Variants in MED12L observed in about 807,000 individuals in gnomAD.
The protein encoded by MED12L is mediator complex subunit 12L.
In MED12L, 60 loss-of-function variants were observed where a neutral mutation model predicts 281.3. The observed-to-expected ratio is 0.21, with a 90% CI of 0.17 to 0.26. The LOEUF (loss-of-function observed/expected upper bound fraction) is 0.26. Ranked by LOEUF, MED12L falls within the 10% of genes least tolerant of loss-of-function variation. MED12L has a pLI of 1.00. For synonymous variants in MED12L, 974 were observed against 987.2 expected (o/e 0.99, Z 0.25); for missense variants, 2,146 against 2,680.9 (o/e 0.80, Z 4.41).
intron 43 of MED12L, chr3:151,425,673 A>G (rs1290545365): frequency 4.4e-6 from 2 of 456,638 alleles, no homozygotes; most frequent in South Asian, 1.5e-5. Context: ...TAAGCTGGGT[A>G]TTCGGTCTTG....
chr3:151,391,512 T>C (rs1714225934), intron 38 of MED12L, among the ~76,000 whole-genome samples: 1 of 152,168 alleles, frequency 6.6e-6, no homozygotes, highest in Non-Finnish European at 1.5e-5. Context: ...TCTTTTGGCT[T>C]CCTTGGGCCA....
chr3:151,152,071 A>C (rs547293840), intron 5 of MED12L, among the ~76,000 whole-genome samples: 1 of 132,256 alleles, frequency 7.6e-6, no homozygotes, highest in East Asian at 2.4e-4. Flanking sequence ...AGAATTGTGG[A>C]TCAGTTGAAG....
intron 5 of MED12L, among the ~76,000 whole-genome samples, chr3:151,141,166 G>GTTTTTTTTTTTTTTTTTTT (rs750239134): frequency 1.0e-5 from 1 of 98,122 alleles, no homozygotes; most frequent in African/African-American, 5.3e-5. Flanking sequence ...CGTGCCTGGC[G>GTTTTTTTTTTTTTTTTTTT]TTTTTTTTTT....
chr3:151,360,404 T>G, intron 20 of MED12L, 70 bp from the exon 21 acceptor site: 1 of 1,430,118 alleles, frequency 7.0e-7, no homozygotes, highest in Non-Finnish European at 9.6e-7. Flanking sequence ...ATTTTCATTC[T>G]AAAAGAGTCA....
intron 42 of MED12L, 144 bp downstream of exon 42, chr3:151,413,439 T>C: frequency 1.1e-6 from 1 of 946,332 alleles, no homozygotes; most frequent in East Asian, 2.6e-5. Context: ...GCTACATTGG[T>C]ACAATTTAGT....
chr3:151,297,378 T>C (rs891474997), intron 16 of MED12L, among the ~76,000 whole-genome samples: 1 of 152,172 alleles, frequency 6.6e-6, no homozygotes, highest in Non-Finnish European at 1.5e-5. Flanking sequence ...CCCAATTAAA[T>C]GATTAGCAGT....
intron 16 of MED12L, chr3:151,269,538 A>C (rs1740491164): frequency 3.3e-6 from 1 of 303,952 alleles, no homozygotes; most frequent in Non-Finnish European, 6.4e-6. Context: ...AGAGGTCAAA[A>C]TTGATTGCCC....
chr3:151,294,577 G>T (rs149315251), intron 16 of MED12L: 3 of 1,614,132 alleles, frequency 1.9e-6, no homozygotes, highest in Middle Eastern at 1.6e-4. Context: ...TGTAACATCC[G>T]ATCAGAATCA....
At chr3:151,320,762 C>G (rs1207992916) in intron 16 of MED12L, among the ~76,000 whole-genome samples, 1 of 152,158 alleles carries the variant, frequency 6.6e-6, no homozygotes, top group African/African-American at 2.4e-5. Flanking sequence ...GCAACTTAAT[C>G]TATCTCCTTG....
chr3:151,146,926 C>T (rs1717832227), intron 5 of MED12L, among the ~76,000 whole-genome samples: 1 of 152,158 alleles, frequency 6.6e-6, no homozygotes, highest in Non-Finnish European at 1.5e-5. Context: ...GGTCTTGTGG[C>T]ACTGAGGCAG....
chr3:151,213,451 C>T (rs780730940), intron 16 of MED12L: 1 of 1,614,178 alleles, frequency 6.2e-7, no homozygotes, highest in Non-Finnish European at 8.5e-7. Flanking sequence ...AGGGTCCAAG[C>T]ATACATTTGC....
intron 35 of MED12L, 44 bp downstream of exon 35, chr3:151,384,262 G>A (rs780407422): frequency 6.5e-7 from 1 of 1,537,158 alleles, no homozygotes; most frequent in South Asian, 1.2e-5. Context: ...AGTTGTTTAT[G>A]GATTTATTAT....
chr3:151,250,633 G>A (rs1169017152), intron 16 of MED12L, among the ~76,000 whole-genome samples: 1 of 152,056 alleles, frequency 6.6e-6, no homozygotes, highest in Admixed American at 6.6e-5. Context: ...ATAATATTCC[G>A]CTCTATGTAT....
In MED12L at chr3:151,411,348, G is replaced by T. The variant is rs1278630143; in HGVS notation, c.5981G>T (p.Gly1994Val). The change falls in exon 41 of 45, where the codon GGC becomes GTC. Residue 1994 changes from glycine (G) to valine (V), a missense_variant. By Grantham distance (109) the Gly-to-Val change is moderately radical. This residue lies in a region of MED12L where 496 missense variants were observed against 512.0 expected (regional missense o/e 0.97). Transcript: ENST00000687756. ...PLQQTSQQQA[G>V]SVVLSPSYNS... Reference sequence around the variant, plus strand: ...CAGCAGACATCGCAGCAGCAGGCTGGCAGTGTGGTCCTGTCTCCCAGCTAT... The same window carrying T: ...CAGCAGACATCGCAGCAGCAGGCTGTCAGTGTGGTCCTGTCTCCCAGCTAT... 2.5e-6 allele frequency: 4 copies of T among 1,614,196 alleles called. No individual in the cohort carries two copies. Among genetic ancestry groups the T allele is most frequent in the Non-Finnish European group, 3.4e-6 (4 of 1,180,032 alleles).
intron 39 of MED12L, 44 bp from the exon 40 acceptor site, chr3:151,409,199 C>T: frequency 3.4e-6 from 5 of 1,456,752 alleles, no homozygotes; most frequent in East Asian, 2.3e-5. Flanking sequence ...CAAATCAAGC[C>T]CTTGCTGTTA....
At chr3:151,259,121 T>G (rs1185863214) in intron 16 of MED12L, among the ~76,000 whole-genome samples, 1 of 152,198 alleles carries the variant, frequency 6.6e-6, no homozygotes, top group Non-Finnish European at 1.5e-5. Context: ...TTTTAACACA[T>G]GGACTGAAAG....
intron 32 of MED12L, 147 bp from the exon 33 acceptor site, chr3:151,382,509 G>A (rs1057331432): frequency 4.0e-6 from 2 of 504,588 alleles, no homozygotes; most frequent in African/African-American, 2.0e-5. Context: ...TCTGCATGGA[G>A]GAAGAAGAAA....
intron 16 of MED12L, among the ~76,000 whole-genome samples, chr3:151,217,965 G>C (rs1241471094): frequency 1.3e-5 from 2 of 152,072 alleles, no homozygotes; most frequent in Non-Finnish European, 2.9e-5. Context: ...CAAAAGGCAG[G>C]AATATGTGTT....
At chr3:151,368,669 C>CATGTCATTTCATTTT (rs1755698214) in intron 25 of MED12L, among the ~76,000 whole-genome samples, 5 of 58,524 alleles carry the variant, frequency 8.5e-5, no homozygotes, top group South Asian at 6.9e-4. Context: ...CATTTCATTT[C>CATGTCATTTCATTTT]ATTTCATGTC....
Sources: gnomAD v4.1 joint callset for allele counts (sites outside exome capture counted in the v4.1 genomes callset) on GRCh38, gnomAD v4.1.1 for gene constraint, gnomAD v4.1.1 regional missense constraint, MANE v1.5 for transcripts, NCBI Gene and HGNC (gene_info 2026-07-23, HGNC 2026-07-21) for gene names.